The following CDC27 variants were observed in gnomAD, a reference collection of about 807,000 sequenced individuals.
CDC27 encodes cell division cycle 27, also known as cell division cycle protein 27 homolog.
In CDC27, 27 loss-of-function variants were observed where a neutral mutation model predicts 109.7. That is an observed-to-expected ratio of 0.25 (90% CI 0.18 to 0.34). CDC27 has a LOEUF of 0.34. Ranked by LOEUF, CDC27 falls within the 10% of genes least tolerant of loss-of-function variation. The probability of loss-of-function intolerance (pLI) is 1.00; values close to 1 mark genes in which losing one functional copy is unlikely to be tolerated. For synonymous variants in CDC27, 266 were observed against 333.9 expected (o/e 0.80, Z 2.22); for missense variants, 579 against 960.2 (o/e 0.60, Z 5.25).
chr17:47,133,056 T>TACAC (rs1431411059), intron 14 of CDC27, among the ~76,000 whole-genome samples: 3 of 28,530 alleles, frequency 1.1e-4, no homozygotes, highest in Non-Finnish European at 1.3e-4. Flanking sequence ...CACACACACA[T>TACAC]ACATATACAC....
At chr17:47,125,215 C>T (rs1388197460) in intron 16 of CDC27, among the ~76,000 whole-genome samples, 1 of 144,768 alleles carries the variant, frequency 6.9e-6, no homozygotes, top group Non-Finnish European at 1.5e-5. Flanking sequence ...CCACTGCACC[C>T]GGCCTTACTT....
At chr17:47,158,620 A>AT (rs376030802) in intron 4 of CDC27, among the ~76,000 whole-genome samples, 1,796 of 140,846 alleles carry the variant, frequency 0.013, 14 homozygotes, top group African/African-American at 0.022. Context: ...ATTATTCTTA[A>AT]TTTTTTTTTT....
intron 9 of CDC27, among the ~76,000 whole-genome samples, chr17:47,144,871 T>TCACACACACACA (rs35160918): frequency 4.0e-5 from 6 of 149,990 alleles, no homozygotes; most frequent in Admixed American, 2.0e-4. Context: ...TGTGTGTATA[T>TCACACACACACA]CACACACACA....
At chr17:47,139,123 C>A (rs949279162) in intron 12 of CDC27, among the ~76,000 whole-genome samples, 1 of 152,064 alleles carries the variant, frequency 6.6e-6, no homozygotes, top group Non-Finnish European at 1.5e-5. Context: ...ATGGTAAGAA[C>A]ATGAACTCTG....
At position 47,182,792 on chromosome 17, in the gene CDC27, T is replaced by TTTTTG. The variant is rs919507771; in HGVS notation, c.28-1160_28-1156dup. Among the ~76,000 whole-genome samples, 7 of 152,350 alleles carry TTTTTG rather than the reference T, an allele frequency of 4.6e-5. No homozygotes were observed. In the East Asian group the frequency reaches 1.3e-3, roughly 29 times the overall value. ...ACATTTGGGTTATTTCTAGGGTGTT[T>TTTTTG]TTTTGTTTTGTTTTGTTTTTCCAAT... On this transcript the variant is annotated intron_variant, in intron 1 of 18. Coordinates refer to ENST00000066544, the MANE Select transcript of CDC27 (RefSeq NM_001256.6).
At chr17:47,178,809 C>CT (rs1373089702) in intron 2 of CDC27, among the ~76,000 whole-genome samples, 144 of 148,968 alleles carry the variant, frequency 9.7e-4, no homozygotes, top group Middle Eastern at 3.4e-3. Flanking sequence ...TTCCTTTTTC[C>CT]GTTTTTTTTT....
Position 47,142,363 on chromosome 17 carries a change from T to C in CDC27, c.1244A>G (p.Lys415Arg). The change falls in exon 11 of 19, where the codon AAA becomes AGA. Residue 415 changes from lysine (K) to arginine (R), a missense_variant. By Grantham distance (26) the Lys-to-Arg change is conservative. Around this residue, in one of 9 missense-constraint regions of CDC27, gnomAD observed 58 missense variants for 116.6 expected, o/e 0.50. Coordinates refer to ENST00000066544, the MANE Select transcript of CDC27 (RefSeq NM_001256.6). Reference protein sequence around the residue: ...PNRKTKSKTNKGGITQPNIND... With the variant: ...PNRKTKSKTNRGGITQPNIND... ...TATGTTAGGTTGAGTTATTCCTCCT[T>C]TATTAGTTTTACTTTTTGTTTTTCT... is the stretch of plus-strand genomic sequence containing the variant. 6.6e-7 allele frequency: 1 copy of C among 1,509,604 alleles called. No individual in the cohort carries two copies. Among genetic ancestry groups the C allele is most frequent in the Middle Eastern group, 1.8e-4 (1 of 5,612 alleles). 93.5% of individuals were successfully genotyped at this position (1,509,604 alleles called of 1,614,324 possible). A position where few individuals can be genotyped will look rare whatever the true frequency, so the allele number is the denominator to read the frequency against.
intron 1 of CDC27, among the ~76,000 whole-genome samples, chr17:47,186,473 C>T (rs917161330): frequency 6.6e-6 from 1 of 152,194 alleles, no homozygotes; most frequent in Admixed American, 6.5e-5. Flanking sequence ...GGAATAATTG[C>T]TAAATCTATA....
At chr17:47,133,113 A>AT (rs2062438415) in intron 14 of CDC27, among the ~76,000 whole-genome samples, 2 of 21,510 alleles carry the variant, frequency 9.3e-5, no homozygotes, top group African/African-American at 4.3e-4. Flanking sequence ...ATACATATAT[A>AT]TATATATATA....
At chr17:47,182,638 A>G (rs981538293) in intron 1 of CDC27, among the ~76,000 whole-genome samples, 3 of 152,234 alleles carry the variant, frequency 2.0e-5, no homozygotes, top group African/African-American at 7.2e-5. Context: ...TTGAAATCCA[A>G]TGTTTTGAAA....
chr17:47,138,462 C>T (rs1215923639), intron 13 of CDC27, among the ~76,000 whole-genome samples: 6 of 152,094 alleles, frequency 3.9e-5, no homozygotes, highest in Non-Finnish European at 7.4e-5. Context: ...AACTTCTGCT[C>T]AACGAACCCT....
chr17:47,144,196 G>A (rs192941971), intron 9 of CDC27, among the ~76,000 whole-genome samples: 14 of 152,248 alleles, frequency 9.2e-5, no homozygotes, highest in African/African-American at 3.4e-4. Context: ...TCAGCTTGCA[G>A]ATGGCCTCTT....
intron 1 of CDC27, among the ~76,000 whole-genome samples, chr17:47,186,208 T>C (rs221600): frequency 0.039 from 5,911 of 152,286 alleles, 395 homozygotes; most frequent in African/African-American, 0.13. Context: ...CTTCTGCTCA[T>C]ATAATGGTTA....
intron 1 of CDC27, 162 bp downstream of exon 1, chr17:47,188,984 T>C: frequency 2.7e-6 from 4 of 1,479,984 alleles, no homozygotes; most frequent in African/African-American, 1.4e-5. Context: ...GCTTAGGCTG[T>C]GGGCAAGGCC....
At chr17:47,167,060 G>A (rs2063671488) in intron 4 of CDC27, among the ~76,000 whole-genome samples, 1 of 152,166 alleles carries the variant, frequency 6.6e-6, no homozygotes, top group Non-Finnish European at 1.5e-5. Flanking sequence ...TCACCATGTT[G>A]GCCTGGCTGG....
At chr17:47,121,050 T>C (rs2061970352) in intron 18 of CDC27, 33 bp from the exon 19 acceptor site, 1 of 1,416,180 alleles carries the variant, frequency 7.1e-7, no homozygotes, top group Non-Finnish European at 9.9e-7. Flanking sequence ...CACAGTAAGT[T>C]TTCTGACAAA....
chr17:47,175,305 CTAAA>C (rs2063966275), intron 2 of CDC27, among the ~76,000 whole-genome samples: 1 of 152,172 alleles, frequency 6.6e-6, no homozygotes, highest in African/African-American at 2.4e-5. Flanking sequence ...GATTTATAAT[CTAAA>C]TAAGCAGCCT....
chr17:47,151,818 C>G lies in CDC27; in HGVS notation c.1058G>C (p.Gly353Ala). The change falls in exon 9 of 19, where the codon GGT (glycine) becomes GCT (alanine). Residue 353 changes from glycine to alanine, a missense_variant. Coordinates refer to ENST00000066544, the MANE Select transcript of CDC27 (RefSeq NM_001256.6). ...TPILAQTQSS[G>A]PQTSTTPQVL... ...CAATGATAAATACCTTGTTTGTGGA[C>G]CAGAACTTTGTGTTTGTGCAAGAAT... The G allele has an allele frequency of 6.3e-7, 1 of 1,597,540 alleles. No homozygotes were observed. The highest frequency in any genetic ancestry group is 8.5e-7 in the Non-Finnish European group (1 of 1,172,492).
chr17:47,126,722 G>C (rs1409941148), intron 16 of CDC27, among the ~76,000 whole-genome samples: 1 of 152,124 alleles, frequency 6.6e-6, no homozygotes, highest in African/African-American at 2.4e-5. Flanking sequence ...AACAAATACT[G>C]ATTTGCAATT....
Sources: gnomAD v4.1 joint callset for allele counts (sites outside exome capture counted in the v4.1 genomes callset) on GRCh38, gnomAD v4.1.1 for gene constraint, gnomAD v4.1.1 regional missense constraint, MANE v1.5 for transcripts, NCBI Gene and HGNC (gene_info 2026-07-23, HGNC 2026-07-21) for gene names.